MAP3K5: variants seen among roughly 807,000 people sequenced by gnomAD.
MAP3K5 encodes the protein ASK-1.
A neutral mutation model predicts 158.7 loss-of-function variants in MAP3K5; 56 were observed. That is an observed-to-expected ratio of 0.35 (90% CI 0.28 to 0.44). The LOEUF (loss-of-function observed/expected upper bound fraction) is 0.44. Among genes scored for constraint, MAP3K5 ranks in the 20% least tolerant of loss-of-function variants. The pLI is 1.00. For synonymous variants in MAP3K5, 579 were observed against 601.7 expected (o/e 0.96, Z 0.55); for missense variants, 1,294 against 1,674.8 (o/e 0.77, Z 3.97).
At chr6:136,698,721 C>A in intron 3 of MAP3K5, 39 bp from the exon 4 acceptor site, 1 of 1,491,580 alleles carries the variant, frequency 6.7e-7, no homozygotes, top group Non-Finnish European at 9.3e-7. Context: ...GGGAGCTGGC[C>A]TGGAGACACG....
intron 21 of MAP3K5, among the ~76,000 whole-genome samples, chr6:136,593,445 C>T (rs866890284): frequency 6.6e-6 from 1 of 152,126 alleles, no homozygotes; most frequent in African/African-American, 2.4e-5. Context: ...GGGTGAGTTG[C>T]CACTCGGGCC....
chr6:136,654,482 T>G (rs998175115), intron 10 of MAP3K5, among the ~76,000 whole-genome samples: 1 of 152,224 alleles, frequency 6.6e-6, no homozygotes, highest in Non-Finnish European at 1.5e-5. Flanking sequence ...GTTTTGCTCT[T>G]GTTGCCCAGG....
chr6:136,726,186 G>T (rs1159426869), intron 1 of MAP3K5, among the ~76,000 whole-genome samples: 2 of 152,206 alleles, frequency 1.3e-5, no homozygotes, highest in African/African-American at 4.8e-5. Flanking sequence ...TTGAGAATCA[G>T]CTGGCTGTTG....
At chr6:136,683,268 G>A (rs960378411) in intron 7 of MAP3K5, among the ~76,000 whole-genome samples, 3 of 152,332 alleles carry the variant, frequency 2.0e-5, no homozygotes, top group East Asian at 3.9e-4. Context: ...CTAGAAGCAT[G>A]AAGGCATAAA....
chr6:136,658,438 C>T (rs1401047548), intron 9 of MAP3K5, among the ~76,000 whole-genome samples: 1 of 151,380 alleles, frequency 6.6e-6, no homozygotes, highest in Non-Finnish European at 1.5e-5. Flanking sequence ...CCTCAGCCTC[C>T]CAAGTAGCTG....
At chr6:136,617,351 T>C (rs1776608568) in intron 15 of MAP3K5, among the ~76,000 whole-genome samples, 1 of 152,190 alleles carries the variant, frequency 6.6e-6, no homozygotes, top group Admixed American at 6.5e-5. Flanking sequence ...CAATTACCTG[T>C]AACAAGGGAA....
intron 9 of MAP3K5, among the ~76,000 whole-genome samples, chr6:136,656,948 A>G (rs992301592): frequency 9.2e-5 from 14 of 152,172 alleles, no homozygotes; most frequent in Admixed American, 8.5e-4. Flanking sequence ...TCTCATTTCT[A>G]TCTCACAAAA....
At chr6:136,561,376 C>G (rs1260593999) in intron 28 of MAP3K5, among the ~76,000 whole-genome samples, 157 bp downstream of exon 28, 1 of 152,196 alleles carries the variant, frequency 6.6e-6, no homozygotes, top group East Asian at 1.9e-4. Flanking sequence ...GTGGAGTTAG[C>G]TGATTATCAC....
intron 1 of MAP3K5, among the ~76,000 whole-genome samples, chr6:136,753,435 C>T (rs1232396831): frequency 6.6e-6 from 1 of 151,650 alleles, no homozygotes; most frequent in Non-Finnish European, 1.5e-5. Flanking sequence ...CTTGGCCTTG[C>T]CAAGTTATAA....
intron 2 of MAP3K5, among the ~76,000 whole-genome samples, chr6:136,713,953 G>A (rs1781417690): frequency 6.6e-6 from 1 of 152,154 alleles, no homozygotes; most frequent in Non-Finnish European, 1.5e-5. Context: ...TTTACTGAGT[G>A]TGTACTTTGT....
intron 25 of MAP3K5, among the ~76,000 whole-genome samples, chr6:136,569,724 T>C (rs1774278659): frequency 1.3e-5 from 2 of 152,244 alleles, no homozygotes; most frequent in Non-Finnish European, 2.9e-5. Flanking sequence ...CCGGAAGCTC[T>C]GTCACAGGTC....
intron 28 of MAP3K5, among the ~76,000 whole-genome samples, chr6:136,560,977 T>TA (rs1186288104): frequency 1.3e-5 from 2 of 151,222 alleles, no homozygotes; most frequent in African/African-American, 4.9e-5. Context: ...TAAAATAAAA[T>TA]AAAATAAAAT....
Position 136,635,863 on chromosome 6 carries a change from C to T in MAP3K5, c.2016+1462G>A, listed in dbSNP as rs559392873. Among the ~76,000 whole-genome samples, 40 of 151,874 alleles carry T rather than the reference C, an allele frequency of 2.6e-4. 1 individual carries two copies. Among genetic ancestry groups the T allele is most frequent in the Admixed American group, 1.0e-3 (16 of 15,242 alleles). On this transcript the variant is annotated intron_variant, in intron 14 of 29. Transcript: ENST00000359015. ...GTGCCACTGCACTCCACCTCCAGCC[C>T]GGGTAACACAGCAAGAGCCGGTCTC...
intron 25 of MAP3K5, among the ~76,000 whole-genome samples, chr6:136,572,132 T>C (rs892665780): frequency 1.3e-5 from 2 of 152,254 alleles, no homozygotes; most frequent in Non-Finnish European, 2.9e-5. Flanking sequence ...TGGTTATTTG[T>C]ATTTAGAAAG....
chr6:136,592,601 A>G lies in MAP3K5; in HGVS notation c.2892T>C (p.Ser964=), dbSNP rs938281981. The G allele has an allele frequency of 6.2e-7, 1 of 1,613,216 alleles. No homozygotes were observed. The highest frequency in any genetic ancestry group is 1.3e-5 in the African/African-American group (1 of 74,754). ...CCAGCACAGGTACCGGCAAGGATAT[A>G]CTCCTGAGATATTCTGCTTGTGATG... ...LSAGSNEYLR[S]ISLPVPVLVE... The change falls in exon 22 of 30, where the codon AGT becomes AGC. Residue 964 remains serine, a synonymous_variant. Coordinates refer to ENST00000359015, the MANE Select transcript of MAP3K5 (RefSeq NM_005923.4).
intron 21 of MAP3K5, chr6:136,593,621 AT>A (rs1346609332): frequency 1.9e-5 from 7 of 366,880 alleles, no homozygotes; most frequent in Non-Finnish European, 3.7e-5. Flanking sequence ...TCCCAAATGT[AT>A]ATAAAACTTC....
chr6:136,623,191 C>T (rs1030068395), intron 14 of MAP3K5, among the ~76,000 whole-genome samples: 1 of 152,172 alleles, frequency 6.6e-6, no homozygotes, highest in African/African-American at 2.4e-5. Context: ...GTTACAAATA[C>T]AGTGGGGATT....
At chr6:136,786,379 CA>C (rs11398691) in intron 1 of MAP3K5, among the ~76,000 whole-genome samples, 1,636 of 80,970 alleles carry the variant, frequency 0.02, 17 homozygotes, top group African/African-American at 0.058. Flanking sequence ...AACTCCATCT[CA>C]AAAAAAAAAA....
In MAP3K5 at chr6:136,722,790, G is replaced by A. The variant is rs572341749; in HGVS notation, c.449-2201C>T. Among the ~76,000 whole-genome samples, 8 of 149,782 alleles carry A rather than the reference G, an allele frequency of 5.3e-5. No individual in the cohort carries two copies. The South Asian group carries it at 6.3e-4, about 12-fold the overall frequency. On this transcript the variant is annotated intron_variant, in intron 1 of 29. Coordinates refer to ENST00000359015, the MANE Select transcript of MAP3K5 (RefSeq NM_005923.4). ...CAGCCTCAAAATTCTGGGCTCAAGC[G>A]ATCCTTCAGCCTCAGCCTCCTGAGT...
Sources: allele counts gnomAD v4.1 joint callset (sites outside exome capture counted in the v4.1 genomes callset), GRCh38; gene constraint gnomAD v4.1.1; transcripts MANE v1.5; gene names NCBI Gene and HGNC (gene_info 2026-07-23, HGNC 2026-07-21).